The following TBC1D32 variants were observed in gnomAD, a reference collection of about 807,000 sequenced individuals.
TBC1D32 encodes the protein protein broad-minded.
A neutral mutation model predicts 170.3 loss-of-function variants in TBC1D32; 151 were observed. The ratio of observed to expected loss-of-function variants is 0.89; its 90% confidence interval spans 0.78 to 1.01. The LOEUF (loss-of-function observed/expected upper bound fraction) is 1.01, where lower values mean the gene tolerates loss of function less well. TBC1D32 is among the 50% of genes least tolerant of loss of function. The pLI is 0.00. For synonymous variants in TBC1D32, 498 were observed against 488.0 expected, an observed-to-expected ratio of 1.02 and a Z score of -0.27; for missense variants, 1,464 against 1,457.1, an observed-to-expected ratio of 1.00 and a Z score of -0.08.
At chr6:121,313,467 A>G (rs1419533240) in intron 3 of TBC1D32, among the ~76,000 whole-genome samples, 2 of 151,790 alleles carry the variant, frequency 1.3e-5, no homozygotes, top group African/African-American at 4.8e-5. Flanking sequence ...TACTTTTACC[A>G]AACAAACAAG....
intron 29 of TBC1D32, among the ~76,000 whole-genome samples, chr6:121,111,346 A>G (rs1779188885): frequency 6.6e-6 from 1 of 152,210 alleles, no homozygotes; most frequent in Non-Finnish European, 1.5e-5. Context: ...AGACTAGTGG[A>G]ATGTAGACAT....
At chr6:121,148,645 G>A (rs117618990) in intron 24 of TBC1D32, among the ~76,000 whole-genome samples, 3,792 of 151,826 alleles carry the variant, frequency 0.025, 167 homozygotes, top group East Asian at 0.13. Context: ...ATGGAGTCTC[G>A]CTCTGTCACC....
At chr6:121,148,578 T>C (rs771890280) in intron 24 of TBC1D32, among the ~76,000 whole-genome samples, 1 of 152,164 alleles carries the variant, frequency 6.6e-6, no homozygotes, top group Non-Finnish European at 1.5e-5. Flanking sequence ...TCCACAACGG[T>C]TGAAGTTTAC....
chr6:121,309,195 A>G (rs1807804919), intron 4 of TBC1D32, among the ~76,000 whole-genome samples: 1 of 152,230 alleles, frequency 6.6e-6, no homozygotes, highest in South Asian at 2.1e-4. Context: ...AAGATTAGGA[A>G]TTCATTTACA....
At chr6:121,293,672 G>A (rs1805198809) in intron 11 of TBC1D32, among the ~76,000 whole-genome samples, 1 of 152,144 alleles carries the variant, frequency 6.6e-6, no homozygotes, top group Non-Finnish European at 1.5e-5. Context: ...AGTGCTTTGG[G>A]AGGCCAAGGT....
intron 12 of TBC1D32, among the ~76,000 whole-genome samples, chr6:121,284,192 T>C (rs1314692536): frequency 6.6e-6 from 1 of 152,122 alleles, no homozygotes; most frequent in Non-Finnish European, 1.5e-5. Flanking sequence ...GGAAGATGTA[T>C]GAATCTGATT....
At chr6:121,270,242 A>C (rs538591810) in intron 15 of TBC1D32, among the ~76,000 whole-genome samples, 69 of 152,312 alleles carry the variant, frequency 4.5e-4, no homozygotes, top group Middle Eastern at 3.4e-3. Flanking sequence ...AGTTAGCAGA[A>C]GGCAAAAAAT....
At chr6:121,157,608 A>G (rs1785072937) in intron 24 of TBC1D32, among the ~76,000 whole-genome samples, 1 of 151,956 alleles carries the variant, frequency 6.6e-6, no homozygotes, top group Admixed American at 6.6e-5. Flanking sequence ...TCTGTGAGTT[A>G]TGTGCTTTAG....
intron 29 of TBC1D32, among the ~76,000 whole-genome samples, chr6:121,108,454 C>G (rs1443236032): frequency 6.6e-6 from 1 of 152,002 alleles, no homozygotes; most frequent in African/African-American, 2.4e-5. Context: ...ATTAATGGAA[C>G]ACATGCAGGA....
intron 3 of TBC1D32, among the ~76,000 whole-genome samples, chr6:121,312,765 T>A (rs150364885): frequency 2.6e-5 from 4 of 152,286 alleles, no homozygotes; most frequent in African/African-American, 9.6e-5. Context: ...TTTCTTTAAA[T>A]CAAGAGAAAA....
chr6:121,293,654 G>GTA (rs1805196282), intron 11 of TBC1D32, among the ~76,000 whole-genome samples: 2 of 152,292 alleles, frequency 1.3e-5, no homozygotes, highest in South Asian at 4.1e-4. Context: ...GCTCATGCCT[G>GTA]TAATCCCAGT....
chr6:121,219,911 G>T (rs1456886708), intron 21 of TBC1D32, among the ~76,000 whole-genome samples: 1 of 152,058 alleles, frequency 6.6e-6, no homozygotes, highest in Non-Finnish European at 1.5e-5. Flanking sequence ...GGTAATCTTT[G>T]ATGTTACTAT....
chr6:121,307,703 T>C (rs1399166066), intron 5 of TBC1D32, among the ~76,000 whole-genome samples: 2 of 151,820 alleles, frequency 1.3e-5, no homozygotes, highest in Admixed American at 6.6e-5. Context: ...CTGCTAAAAA[T>C]ACAAAAATTA....
chr6:121,305,306 T>G (rs1485876517), intron 5 of TBC1D32, among the ~76,000 whole-genome samples: 3 of 152,036 alleles, frequency 2.0e-5, no homozygotes, highest in African/African-American at 7.2e-5. Flanking sequence ...ATGTTTAAAT[T>G]TTTACATTAT....
intron 9 of TBC1D32, among the ~76,000 whole-genome samples, chr6:121,301,963 T>C (rs1029612931): frequency 6.6e-6 from 1 of 152,236 alleles, no homozygotes; most frequent in Non-Finnish European, 1.5e-5. Flanking sequence ...ATTCATTAAA[T>C]TGTGTTTTGG....
chr6:121,159,777 A>G (rs1489377346), intron 24 of TBC1D32, among the ~76,000 whole-genome samples: 2 of 152,326 alleles, frequency 1.3e-5, no homozygotes, highest in African/African-American at 4.8e-5. Flanking sequence ...TAATAATCTT[A>G]TAAGACCACC....
At chr6:121,305,808 C>T (rs1281954959) in intron 5 of TBC1D32, among the ~76,000 whole-genome samples, 3 of 151,602 alleles carry the variant, frequency 2.0e-5, no homozygotes, top group Non-Finnish European at 4.4e-5. Context: ...GAATTTGGAT[C>T]AAGCACAAAT....
chr6:121,256,601 T>C (rs986993735), intron 15 of TBC1D32, among the ~76,000 whole-genome samples: 1 of 152,124 alleles, frequency 6.6e-6, no homozygotes, highest in African/African-American at 2.4e-5. Context: ...AAATGCTCCA[T>C]TCCTAGCACT....
Position 121,114,781 on chromosome 6 carries a change from A to G in TBC1D32, c.3053+391T>C, listed in dbSNP as rs1247035801. Among the ~76,000 whole-genome samples the G allele has an allele frequency of 3.3e-5, 5 of 152,322 alleles. No homozygotes were observed. The East Asian group carries it at 7.7e-4, about 23-fold the overall frequency. On this transcript the variant is annotated intron_variant, in intron 27 of 31. Transcript: ENST00000398212. ...TTGAGTATTAAAAATTCAAACTGCAATAAGTTTTTTAATTTTAACTTCTGC... is the reference window on the plus strand; with the variant it reads ...TTGAGTATTAAAAATTCAAACTGCAGTAAGTTTTTTAATTTTAACTTCTGC...
Sources: allele counts gnomAD v4.1 joint callset (sites outside exome capture counted in the v4.1 genomes callset), GRCh38; gene constraint gnomAD v4.1.1; transcripts MANE v1.5; gene names NCBI Gene and HGNC (gene_info 2026-07-23, HGNC 2026-07-21).